Variants in CTNND2 observed in about 807,000 individuals in gnomAD.
CTNND2 encodes catenin delta 2.
Under a neutral mutation model 144.4 loss-of-function variants are expected in CTNND2, and 22 were observed. That is an observed-to-expected ratio of 0.15 (90% CI 0.11 to 0.22). CTNND2 has a LOEUF of 0.22. Ranked by LOEUF, CTNND2 falls within the 10% of genes least tolerant of loss-of-function variation. The pLI is 1.00. For synonymous variants in CTNND2, 751 were observed against 695.6 expected (o/e 1.08, Z -1.25); for missense variants, 1,353 against 1,618.8 (o/e 0.84, Z 2.82).
Position 11,575,886 on chromosome 5 carries a change from T to C in CTNND2, c.175-10830A>G, listed in dbSNP as rs532796012. 3.3e-5 allele frequency among the ~76,000 whole-genome samples: 5 copies of C among 152,238 alleles called. No homozygotes were observed. The South Asian group carries it at 1.0e-3, about 32-fold the overall frequency. ...TACTTTCTCTGAACAAGCTCATCCATTCCGAAAGCCTCAATGACTAGTTCT... is the reference window on the plus strand; with the variant it reads ...TACTTTCTCTGAACAAGCTCATCCACTCCGAAAGCCTCAATGACTAGTTCT... On this transcript the variant is annotated intron_variant, in intron 2 of 21. Coordinates refer to ENST00000304623, the MANE Select transcript of CTNND2 (RefSeq NM_001332.4).
At chr5:11,784,032 A>G (rs1561793688) in intron 1 of CTNND2, among the ~76,000 whole-genome samples, 3 of 152,234 alleles carry the variant, frequency 2.0e-5, no homozygotes, top group Non-Finnish European at 4.4e-5. Flanking sequence ...CATGTCCACA[A>G]AAGTTGTTGC....
chr5:11,745,026 C>T (rs1379163710), intron 1 of CTNND2, among the ~76,000 whole-genome samples: 1 of 152,016 alleles, frequency 6.6e-6, no homozygotes, highest in African/African-American at 2.4e-5. Context: ...GCCACCATGC[C>T]CAGCTAAGGA....
intron 3 of CTNND2, among the ~76,000 whole-genome samples, chr5:11,526,347 T>C (rs1773245933): frequency 6.6e-6 from 1 of 152,232 alleles, no homozygotes; most frequent in South Asian, 2.1e-4. Context: ...TTAACTCTTG[T>C]TTATACCAAC....
intron 3 of CTNND2, among the ~76,000 whole-genome samples, chr5:11,421,764 G>T (rs1284750316): frequency 2.0e-5 from 3 of 152,132 alleles, no homozygotes; most frequent in Non-Finnish European, 2.9e-5. Context: ...AAAGAGAGGG[G>T]CAGCACCAGC....
chr5:11,313,204 G>A (rs916372553), intron 9 of CTNND2, among the ~76,000 whole-genome samples: 1 of 152,188 alleles, frequency 6.6e-6, no homozygotes, highest in Non-Finnish European at 1.5e-5. Flanking sequence ...CACAAGAAGA[G>A]TTGTTGTTCA....
At chr5:11,204,527 G>A (rs917890894) in intron 10 of CTNND2, among the ~76,000 whole-genome samples, 1 of 152,092 alleles carries the variant, frequency 6.6e-6, no homozygotes, top group Non-Finnish European at 1.5e-5. Context: ...ATACACAAGA[G>A]ATATGCAAGT....
chr5:11,150,391 A>T (rs1757638155), intron 12 of CTNND2, among the ~76,000 whole-genome samples: 1 of 152,238 alleles, frequency 6.6e-6, no homozygotes, highest in Non-Finnish European at 1.5e-5. Flanking sequence ...ATAGAATGGC[A>T]CATGGAGACT....
rs552665989 is a variant in CTNND2 at position 11,265,051 on chromosome 5, A to C, written c.1629-28228T>G. ...GGCTAAATTTTATTAAATCAAAAAA[A>C]CTGCCATAAATTATATATTTTAGAA... On this transcript the variant is annotated intron_variant, in intron 9 of 21. Coordinates refer to ENST00000304623, the MANE Select transcript of CTNND2 (RefSeq NM_001332.4). Among the ~76,000 whole-genome samples the C allele has an allele frequency of 2.0e-5, 3 of 152,220 alleles. No individual in the cohort carries two copies. The East Asian group carries it at 5.8e-4, about 29-fold the overall frequency.
At chr5:11,321,159 A>T (rs1248297058) in intron 9 of CTNND2, among the ~76,000 whole-genome samples, 1 of 152,198 alleles carries the variant, frequency 6.6e-6, no homozygotes, top group Non-Finnish European at 1.5e-5. Context: ...AAGAGAATTA[A>T]AACAGTTTAA....
Position 11,874,747 on chromosome 5 carries a change from G to T in CTNND2, c.37+29070C>A, listed in dbSNP as rs536676974. ...TGTAATTTTCTATTTAATAGTTTTAGACCACAGTTGACTGTGGATAACTGA... is the reference window on the plus strand; with the variant it reads ...TGTAATTTTCTATTTAATAGTTTTATACCACAGTTGACTGTGGATAACTGA... On this transcript the variant is annotated intron_variant, in intron 1 of 21. Coordinates refer to ENST00000304623, the MANE Select transcript of CTNND2 (RefSeq NM_001332.4). Among the ~76,000 whole-genome samples, 9 of 152,300 alleles carry T rather than the reference G, an allele frequency of 5.9e-5. No individual in the cohort carries two copies. In the South Asian group the frequency reaches 1.2e-3, roughly 21 times the overall value.
chr5:11,069,085 A>C (rs1747946036), intron 16 of CTNND2, among the ~76,000 whole-genome samples: 1 of 152,226 alleles, frequency 6.6e-6, no homozygotes, highest in Non-Finnish European at 1.5e-5. Flanking sequence ...TCACAACATT[A>C]ATACAATGCT....
intron 6 of CTNND2, among the ~76,000 whole-genome samples, chr5:11,392,344 G>T (rs1322626646): frequency 6.6e-6 from 1 of 152,140 alleles, no homozygotes; most frequent in African/African-American, 2.4e-5. Context: ...AGAGAAGAAA[G>T]AAATAAAGCA....
intron 2 of CTNND2, among the ~76,000 whole-genome samples, chr5:11,592,614 G>GT (rs1016356205): frequency 3.3e-5 from 5 of 149,320 alleles, no homozygotes; most frequent in Admixed American, 6.6e-5. Context: ...GTATTCTTAA[G>GT]TAAAAAAAAA....
chr5:11,278,416 C>T (rs1009610561), intron 9 of CTNND2, among the ~76,000 whole-genome samples: 7 of 152,168 alleles, frequency 4.6e-5, no homozygotes, highest in African/African-American at 1.4e-4. Flanking sequence ...TTTTGTCCTC[C>T]ACAGTGCTTG....
At chr5:11,538,419 C>T (rs934276478) in intron 3 of CTNND2, among the ~76,000 whole-genome samples, 5 of 152,078 alleles carry the variant, frequency 3.3e-5, no homozygotes, top group East Asian at 3.9e-4. Flanking sequence ...TTAAACTAAC[C>T]GTTTCCTCAT....
At chr5:11,765,425 A>G (rs13173268) in intron 1 of CTNND2, among the ~76,000 whole-genome samples, 145,040 of 152,242 alleles carry the variant, frequency 0.95, 69,477 homozygotes, top group East Asian at 1. Context: ...GAAGGGGAGC[A>G]AAGACCAGAA....
chr5:11,374,384 A>T (rs1757723661), intron 7 of CTNND2, among the ~76,000 whole-genome samples: 1 of 152,180 alleles, frequency 6.6e-6, no homozygotes, highest in Non-Finnish European at 1.5e-5. Flanking sequence ...ACCTGGGAGA[A>T]GGCTTGTGTT....
chr5:11,158,508 C>T (rs1758443321), intron 12 of CTNND2, among the ~76,000 whole-genome samples: 1 of 152,164 alleles, frequency 6.6e-6, no homozygotes, highest in South Asian at 2.1e-4. Flanking sequence ...CCATTCCTGC[C>T]CATGAACGCA....
At chr5:11,841,573 T>C (rs952142456) in intron 1 of CTNND2, among the ~76,000 whole-genome samples, 3 of 152,036 alleles carry the variant, frequency 2.0e-5, no homozygotes, top group Admixed American at 6.5e-5. Flanking sequence ...ATAGATATAA[T>C]AGACATACCA....
Sources: gnomAD v4.1 joint callset for allele counts (sites outside exome capture counted in the v4.1 genomes callset) on GRCh38, gnomAD v4.1.1 for gene constraint, MANE v1.5 for transcripts, NCBI Gene and HGNC (gene_info 2026-07-23, HGNC 2026-07-21) for gene names.